Variants in GNAI1 observed in about 807,000 individuals in gnomAD.
GNAI1 encodes guanine nucleotide-binding protein G(i) subunit alpha-1.
In GNAI1, 11 loss-of-function variants were observed where a neutral mutation model predicts 38.9. That is an observed-to-expected ratio of 0.28 (90% confidence interval 0.18 to 0.47). The LOEUF is 0.47. Among genes scored for constraint, GNAI1 ranks in the 20% least tolerant of loss-of-function variants. The pLI, the probability that GNAI1 is intolerant of heterozygous loss-of-function variation, is 0.99. For missense variants in GNAI1, 317 were observed against 436.9 expected, an observed-to-expected ratio of 0.73 and a Z score of 2.45; for synonymous variants, 166 against 145.1, an observed-to-expected ratio of 1.14 and a Z score of -1.04.
Position 80,180,246 on chromosome 7 carries a change from G to A in GNAI1, c.119-8705G>A, listed in dbSNP as rs532215308. 3.3e-5 allele frequency among the ~76,000 whole-genome samples: 5 copies of A among 152,150 alleles called. No individual in the cohort carries two copies. The South Asian group carries it at 1.0e-3, about 32-fold the overall frequency. On this transcript the variant is annotated intron_variant, in intron 1 of 7. Coordinates refer to ENST00000649796, the MANE Select transcript of GNAI1 (RefSeq NM_002069.6). Reference sequence around the variant, plus strand: ...CTAAATTATTTTCATAAATGTGTATGTATAATTGTCATAGGAAGTAAAATT... The same window carrying A: ...CTAAATTATTTTCATAAATGTGTATATATAATTGTCATAGGAAGTAAAATT...
chr7:80,150,793 A>T (rs1584009308), intron 1 of GNAI1, among the ~76,000 whole-genome samples: 1 of 152,164 alleles, frequency 6.6e-6, no homozygotes, highest in South Asian at 2.1e-4. Flanking sequence ...GTGATTTCAC[A>T]TCCGGTTATT....
chr7:80,139,694 C>A (rs1258343235), intron 1 of GNAI1, among the ~76,000 whole-genome samples: 2 of 152,070 alleles, frequency 1.3e-5, no homozygotes, highest in East Asian at 3.9e-4. Context: ...AACTGTCCAG[C>A]CAAATTATGT....
intron 1 of GNAI1, among the ~76,000 whole-genome samples, chr7:80,175,167 A>G (rs1257903208): frequency 6.6e-6 from 1 of 152,198 alleles, no homozygotes; most frequent in Non-Finnish European, 1.5e-5. Context: ...CATTCACTTC[A>G]AGGAAAATAG....
chr7:80,210,817 T>G (rs1788859901), intron 5 of GNAI1, 152 bp from the exon 6 acceptor site: 2 of 503,010 alleles, frequency 4.0e-6, no homozygotes, highest in Non-Finnish European at 6.6e-6. Flanking sequence ...AAGTCCAGTT[T>G]GTGACATTTT....
intron 1 of GNAI1, among the ~76,000 whole-genome samples, chr7:80,164,205 C>A (rs1377551082): frequency 2.0e-5 from 3 of 151,336 alleles, no homozygotes; most frequent in Admixed American, 1.3e-4. Context: ...CCACCACATC[C>A]AGCTAATTTT....
intron 1 of GNAI1, among the ~76,000 whole-genome samples, chr7:80,166,140 A>G (rs911009845): frequency 6.6e-6 from 1 of 152,190 alleles, no homozygotes; most frequent in Non-Finnish European, 1.5e-5. Context: ...TATAAAGATT[A>G]TTATTTTTAT....
intron 1 of GNAI1, among the ~76,000 whole-genome samples, chr7:80,147,806 C>A (rs1036830995): frequency 6.6e-6 from 1 of 152,200 alleles, no homozygotes; most frequent in Non-Finnish European, 1.5e-5. Context: ...CTTCTACTTT[C>A]ATCATAATAT....
intron 1 of GNAI1, among the ~76,000 whole-genome samples, chr7:80,184,589 C>T (rs1788358398): frequency 6.6e-6 from 1 of 152,232 alleles, no homozygotes; most frequent in Admixed American, 6.5e-5. Context: ...TCACCCATCT[C>T]TTCAGATCTT....
intron 6 of GNAI1, among the ~76,000 whole-genome samples, chr7:80,211,412 A>G (rs1584054610): frequency 6.7e-6 from 1 of 150,134 alleles, no homozygotes; most frequent in South Asian, 2.1e-4. Context: ...CTGTTAGTTT[A>G]GTAAATCTTT....
chr7:80,216,526 T>G (rs1384036666), intron 7 of GNAI1, among the ~76,000 whole-genome samples: 1 of 152,204 alleles, frequency 6.6e-6, no homozygotes, highest in Admixed American at 6.6e-5. Context: ...GTATGCGATC[T>G]TTTTGCATCT....
intron 1 of GNAI1, among the ~76,000 whole-genome samples, chr7:80,147,846 C>T (rs931051726): frequency 1.2e-4 from 19 of 152,112 alleles, no homozygotes; most frequent in Admixed American, 7.2e-4. Flanking sequence ...GTTGCAGTTA[C>T]GACATCTGGT....
In GNAI1 at chr7:80,135,115, C is replaced by G. The variant is rs1787385565; in HGVS notation, c.-46C>G. The G allele has an allele frequency of 7.6e-7, 1 of 1,317,424 alleles. No homozygotes were observed. Among genetic ancestry groups the G allele is most frequent in the African/African-American group, 1.5e-5 (1 of 65,618 alleles). The allele number at this position is 1,317,424 out of a possible 1,614,324, so 81.6% of individuals were successfully genotyped here. ...AGGATTCCCCTGTGCTTGGAGCCCGCACTCGGGCGCGGAGGGAGCGGCGGC... is the reference window on the plus strand; with the variant it reads ...AGGATTCCCCTGTGCTTGGAGCCCGGACTCGGGCGCGGAGGGAGCGGCGGC... On this transcript the variant is annotated 5_prime_UTR_variant, in exon 1 of 8. Coordinates refer to ENST00000649796, the MANE Select transcript of GNAI1 (RefSeq NM_002069.6).
At chr7:80,166,676 A>G (rs929763541) in intron 1 of GNAI1, among the ~76,000 whole-genome samples, 2 of 152,314 alleles carry the variant, frequency 1.3e-5, no homozygotes, top group South Asian at 2.1e-4. Context: ...TTAAAATGAC[A>G]TGGGTGCTTT....
intron 1 of GNAI1, among the ~76,000 whole-genome samples, chr7:80,148,287 A>G (rs922171805): frequency 6.6e-6 from 1 of 152,172 alleles, no homozygotes; most frequent in Non-Finnish European, 1.5e-5. Context: ...GAAGGTTGTC[A>G]ACTGACAAAT....
At position 80,166,588 on chromosome 7, in the gene GNAI1, T is replaced by C. The variant is rs550309759; in HGVS notation, c.119-22363T>C. ...TACTGATATTAATATTCTAAGTTGA[T>C]TTTAGGATTACTCACATTCAATTTA... is the stretch of plus-strand genomic sequence containing the variant. On this transcript the variant is annotated intron_variant, in intron 1 of 7. Coordinates refer to ENST00000649796, the MANE Select transcript of GNAI1 (RefSeq NM_002069.6). 5.3e-5 allele frequency among the ~76,000 whole-genome samples: 8 copies of C among 152,304 alleles called. No individual in the cohort carries two copies. The East Asian group carries it at 1.2e-3, about 22-fold the overall frequency.
At chr7:80,214,877 A>G (rs1237457586) in intron 7 of GNAI1, among the ~76,000 whole-genome samples, 1 of 152,076 alleles carries the variant, frequency 6.6e-6, no homozygotes, top group Non-Finnish European at 1.5e-5. Flanking sequence ...TCTATTCTCA[A>G]TAGGTTAAAT....
chr7:80,202,751 A>T (rs1411624841), intron 4 of GNAI1, among the ~76,000 whole-genome samples: 1 of 152,186 alleles, frequency 6.6e-6, no homozygotes, highest in Non-Finnish European at 1.5e-5. Flanking sequence ...CACTGCGGTG[A>T]TGGTCTCTAC....
chr7:80,202,625 C>A (rs1024564204), intron 4 of GNAI1, among the ~76,000 whole-genome samples: 9 of 152,156 alleles, frequency 5.9e-5, no homozygotes, highest in Non-Finnish European at 1.3e-4. Context: ...ATACAGGTAA[C>A]TCAGGCTGTC....
intron 7 of GNAI1, 93 bp downstream of exon 7, chr7:80,212,962 T>G: frequency 1.6e-5 from 14 of 865,732 alleles, no homozygotes; most frequent in Non-Finnish European, 2.2e-5. Context: ...TTTAAATCTC[T>G]TGGCTTAGTG....
Sources: gnomAD v4.1 joint callset for allele counts (sites outside exome capture counted in the v4.1 genomes callset) on GRCh38, gnomAD v4.1.1 for gene constraint, MANE v1.5 for transcripts, NCBI Gene and HGNC (gene_info 2026-07-23, HGNC 2026-07-21) for gene names.